Variants in GLIS3 observed in about 807,000 individuals in gnomAD.
The protein encoded by GLIS3 is GLIS family zinc finger 3, also known as zinc finger protein GLIS3.
A neutral mutation model predicts 78.6 loss-of-function variants in GLIS3; 53 were observed. The ratio of observed to expected loss-of-function variants is 0.67; its 90% confidence interval spans 0.54 to 0.85. The LOEUF is 0.85. Among genes scored for constraint, GLIS3 ranks in the 40% least tolerant of loss-of-function variants. The pLI is 0.00. For synonymous variants in GLIS3, 684 were observed against 509.9 expected, an observed-to-expected ratio of 1.34 and a Z score of -4.60; for missense variants, 1,703 against 1,231.1, an observed-to-expected ratio of 1.38 and a Z score of -5.74.
At chr9:3,905,196 T>A (rs1218623288) in intron 6 of GLIS3, among the ~76,000 whole-genome samples, 1 of 146,178 alleles carries the variant, frequency 6.8e-6, no homozygotes, top group Non-Finnish European at 1.5e-5. Context: ...TTCACCATGT[T>A]AGCTAGGATA....
chr9:4,446,684 T>C, the GLIS3 span, among the ~76,000 whole-genome samples: 4 of 151,246 alleles, frequency 2.6e-5, no homozygotes, highest in East Asian at 7.8e-4. Flanking sequence ...TAATTTTTTT[T>C]TTTTTTTTTA....
At chr9:3,868,604 C>G (rs1820760985) in intron 8 of GLIS3, among the ~76,000 whole-genome samples, 1 of 152,136 alleles carries the variant, frequency 6.6e-6, no homozygotes, top group South Asian at 2.1e-4. Context: ...TTCTATCAGG[C>G]AGAGAATACA....
chr9:4,398,268 C>G, the GLIS3 span, among the ~76,000 whole-genome samples: 1 of 151,984 alleles, frequency 6.6e-6, no homozygotes. Context: ...TGGTTATTTT[C>G]TACATCCTTG....
At chr9:4,460,581 G>A in the GLIS3 span, among the ~76,000 whole-genome samples, 20 of 121,820 alleles carry the variant, frequency 1.6e-4, no homozygotes, top group Non-Finnish European at 2.7e-4. Flanking sequence ...GTTTAAATAT[G>A]AGGAGCTCTT....
rs368959854 is a variant in GLIS3, at chr9:4,286,170, G to C, written c.256C>G (p.Pro86Ala). 68 of 1,614,078 alleles carry C rather than the reference G, an allele frequency of 4.2e-5. No homozygotes were observed. Among genetic ancestry groups the C allele is most frequent in the Non-Finnish European group, 5.6e-5 (66 of 1,180,042 alleles). ...CCATTGGTGAGCATTTGTCTCCTGG[G>C]GCTTAAGGCAGGCAGATGGATGCGG... ...ESRIHLPALSPRRQMLTNGKP... is the reference protein window; with the variant it reads ...ESRIHLPALSARRQMLTNGKP... Residue 86 changes from proline (P) to alanine (A), a missense_variant, in exon 2 of 11, where the codon CCC (proline) becomes GCC (alanine). Physicochemically the swap from Pro to Ala is conservative, Grantham distance 27. Transcript: ENST00000381971.
the GLIS3 span, among the ~76,000 whole-genome samples, chr9:4,455,292 C>T: frequency 6.6e-6 from 1 of 152,060 alleles, no homozygotes; most frequent in Non-Finnish European, 1.5e-5. Context: ...ATTCTCAGTT[C>T]ATTTAAAATG....
chr9:4,031,194 C>A (rs1056055594), intron 4 of GLIS3, among the ~76,000 whole-genome samples: 1 of 152,122 alleles, frequency 6.6e-6, no homozygotes, highest in Non-Finnish European at 1.5e-5. Flanking sequence ...TACGTCACAG[C>A]AGTACTATTT....
At chr9:4,063,474 C>G (rs1339949462) in intron 4 of GLIS3, among the ~76,000 whole-genome samples, 1 of 151,378 alleles carries the variant, frequency 6.6e-6, no homozygotes, top group Non-Finnish European at 1.5e-5. Context: ...TAATTTAGCG[C>G]ATTAACAGAA....
At chr9:4,278,002 G>A (rs527867816) in intron 2 of GLIS3, among the ~76,000 whole-genome samples, 33 of 151,750 alleles carry the variant, frequency 2.2e-4, no homozygotes, top group African/African-American at 7.2e-4. Context: ...ATTCACCTCC[G>A]CTCATTAAAA....
At chr9:4,447,169 T>C in the GLIS3 span, among the ~76,000 whole-genome samples, 6 of 152,230 alleles carry the variant, frequency 3.9e-5, no homozygotes, top group South Asian at 6.2e-4. Context: ...CACCTTAGCC[T>C]CCCAAGTAGC....
At chr9:4,430,242 A>C in the GLIS3 span, among the ~76,000 whole-genome samples, 1 of 152,224 alleles carries the variant, frequency 6.6e-6, no homozygotes, top group African/African-American at 2.4e-5. Flanking sequence ...CCAACTTATC[A>C]TTAATGCATG....
chr9:4,009,225 G>C (rs1269248978), intron 4 of GLIS3, among the ~76,000 whole-genome samples: 1 of 152,216 alleles, frequency 6.6e-6, no homozygotes, highest in African/African-American at 2.4e-5. Flanking sequence ...CACGGAGCAT[G>C]AGGAGGCTGC....
At chr9:4,032,088 G>A (rs182371041) in intron 4 of GLIS3, among the ~76,000 whole-genome samples, 207 of 152,262 alleles carry the variant, frequency 1.4e-3, no homozygotes, top group Admixed American at 2.6e-3. Flanking sequence ...CAGCCCTGCA[G>A]AGCAAGGGAC....
At chr9:4,111,654 G>A (rs934077747) in intron 4 of GLIS3, among the ~76,000 whole-genome samples, 4 of 152,222 alleles carry the variant, frequency 2.6e-5, no homozygotes, top group African/African-American at 4.8e-5. Flanking sequence ...TGACATATAT[G>A]TGTCTACACT....
intron 4 of GLIS3, among the ~76,000 whole-genome samples, chr9:3,983,945 A>G (rs1010059208): frequency 5.3e-5 from 8 of 152,246 alleles, no homozygotes; most frequent in Admixed American, 2.6e-4. Flanking sequence ...TGAAGAGTCA[A>G]ATGTTAATCC....
At chr9:4,279,455 AC>A (rs1367336990) in intron 2 of GLIS3, among the ~76,000 whole-genome samples, 5 of 150,922 alleles carry the variant, frequency 3.3e-5, no homozygotes, top group South Asian at 4.2e-4. Flanking sequence ...AAGAAAAAAA[AC>A]AATAATATCA....
chr9:4,320,369 G>C (rs1007221193), intron 2 of GLIS3, among the ~76,000 whole-genome samples: 1 of 152,114 alleles, frequency 6.6e-6, no homozygotes, highest in Non-Finnish European at 1.5e-5. Flanking sequence ...AGGTGGGACT[G>C]AAAAGGCATC....
At chr9:4,093,693 T>G (rs760568368) in intron 4 of GLIS3, among the ~76,000 whole-genome samples, 1 of 152,214 alleles carries the variant, frequency 6.6e-6, no homozygotes, top group African/African-American at 2.4e-5. Flanking sequence ...TTCAGCTTCC[T>G]TGCTAACCCA....
chr9:4,124,848 A>G (rs1176676820), intron 3 of GLIS3, among the ~76,000 whole-genome samples: 1 of 152,240 alleles, frequency 6.6e-6, no homozygotes, highest in Non-Finnish European at 1.5e-5. Context: ...GCAAGACCAT[A>G]GTTATGGCAG....
Sources: gnomAD v4.1 joint callset for allele counts (sites outside exome capture counted in the v4.1 genomes callset) on GRCh38, gnomAD v4.1.1 for gene constraint, MANE v1.5 for transcripts, NCBI Gene and HGNC (gene_info 2026-07-23, HGNC 2026-07-21) for gene names.